Variants in NUMB observed in about 807,000 individuals in gnomAD.
The protein encoded by NUMB is protein numb homolog.
Under a neutral mutation model 59.7 loss-of-function variants are expected in NUMB, and 29 were observed. The observed-to-expected ratio is 0.49, with a 90% CI of 0.36 to 0.66. The LOEUF is 0.66. Ranked by LOEUF, NUMB falls within the 30% of genes least tolerant of loss-of-function variation. NUMB has a pLI of 0.00. For missense variants in NUMB, 723 were observed against 822.0 expected (o/e 0.88, Z 1.47); for synonymous variants, 288 against 288.2 (o/e 1.00, Z 0.01).
Position 73,282,434 on chromosome 14 carries a change from G to C in NUMB, c.1021C>G (p.Pro341Ala). Residue 341 changes from proline (P) to alanine (A), a missense_variant, in exon 11 of 13, where the codon CCT (proline) becomes GCT (alanine). This residue lies in a region of NUMB where 317 missense variants were observed against 436.6 expected (regional missense o/e 0.73). Coordinates refer to ENST00000555238, the MANE Select transcript of NUMB (RefSeq NM_001005743.2). ...GGAGCAGATGAGAAGGGGTCCTCAG[G>C]TGTGCTGAAGGCATTGGTGATCTGT... The part of the protein sequence containing the change: ...CSQITNAFST[P>A]EDPFSSAPMT... 2 of 1,614,160 alleles carry C rather than the reference G, an allele frequency of 1.2e-6. No individual in the cohort carries two copies. The highest frequency in any genetic ancestry group is 1.7e-6 in the Non-Finnish European group (2 of 1,180,022).
intron 1 of NUMB, among the ~76,000 whole-genome samples, chr14:73,430,602 C>G (rs1278513143): frequency 6.6e-6 from 1 of 151,916 alleles, no homozygotes; most frequent in Non-Finnish European, 1.5e-5. Context: ...CCACTGCACT[C>G]TAGTCTGGGT....
intron 1 of NUMB, among the ~76,000 whole-genome samples, chr14:73,448,829 TAC>T (rs1047790930): frequency 2.6e-4 from 39 of 152,246 alleles, no homozygotes; most frequent in Non-Finnish European, 3.4e-4. Context: ...GAGGACCAGG[TAC>T]AGTCACATCT....
rs573698129 is a variant in NUMB, at chr14:73,369,867, T to C, written c.-100-2886A>G. On this transcript the variant is annotated intron_variant, in intron 2 of 12. Coordinates refer to ENST00000555238, the MANE Select transcript of NUMB (RefSeq NM_001005743.2). Reference sequence around the variant, plus strand: ...GTAGCATCCTAGAAGCTCCTCTATGTTCCTGCTTCCAGTCACTTCCTGTTC... The same window carrying C: ...GTAGCATCCTAGAAGCTCCTCTATGCTCCTGCTTCCAGTCACTTCCTGTTC... 2.6e-5 allele frequency among the ~76,000 whole-genome samples: 4 copies of C among 152,326 alleles called. No homozygotes were observed. The South Asian group carries it at 8.3e-4, about 32-fold the overall frequency.
intron 2 of NUMB, among the ~76,000 whole-genome samples, chr14:73,385,560 G>T (rs1193951640): frequency 7.2e-6 from 1 of 138,958 alleles, no homozygotes; most frequent in African/African-American, 2.7e-5. Context: ...GGAGTGCAGT[G>T]GCATGATCTC....
At position 73,316,438 on chromosome 14, in the gene NUMB, G is replaced by A. The variant is rs775491884; in HGVS notation, c.202-16C>T. 5.0e-6 allele frequency: 8 copies of A among 1,612,722 alleles called. No individual in the cohort carries two copies. Among genetic ancestry groups the A allele is most frequent in the Non-Finnish European group, 6.8e-6 (8 of 1,179,154 alleles). ...ACTTCCTTTCCTGGAGGAACAGGGG[G>A]ACAAGTCGAGTGCTATTATTGTATG... is the stretch of plus-strand genomic sequence containing the variant. On this transcript the variant is annotated splice_polypyrimidine_tract_variant and intron_variant, in intron 5 of 12. Coordinates refer to ENST00000555238, the MANE Select transcript of NUMB (RefSeq NM_001005743.2).
intron 5 of NUMB, among the ~76,000 whole-genome samples, chr14:73,322,271 T>A (rs754156207): frequency 6.6e-6 from 1 of 152,206 alleles, no homozygotes; most frequent in Non-Finnish European, 1.5e-5. Context: ...CTCAAACCTA[T>A]GGAAAATCTG....
chr14:73,444,307 G>A (rs1276789456), intron 1 of NUMB, among the ~76,000 whole-genome samples: 2 of 150,588 alleles, frequency 1.3e-5, no homozygotes, highest in Non-Finnish European at 3.0e-5. Context: ...GCTGAGGCAG[G>A]AGAATTGCTT....
At chr14:73,334,962 A>AC (rs1892217520) in intron 4 of NUMB, among the ~76,000 whole-genome samples, 1 of 151,642 alleles carries the variant, frequency 6.6e-6, no homozygotes, top group Non-Finnish European at 1.5e-5. Context: ...AAAAAAAAAA[A>AC]AAAAGGTATT....
intron 4 of NUMB, among the ~76,000 whole-genome samples, chr14:73,346,186 A>T (rs1175894479): frequency 6.6e-6 from 1 of 152,110 alleles, no homozygotes; most frequent in African/African-American, 2.4e-5. Flanking sequence ...CATTAAAAAA[A>T]TTATCTCTGT....
intron 1 of NUMB, among the ~76,000 whole-genome samples, chr14:73,446,127 G>A (rs904768136): frequency 6.7e-6 from 1 of 149,330 alleles, no homozygotes; most frequent in Admixed American, 6.6e-5. Context: ...CTCCCGAGTA[G>A]CTGGGACTAT....
intron 2 of NUMB, among the ~76,000 whole-genome samples, chr14:73,378,440 G>A (rs1895076381): frequency 6.6e-6 from 1 of 152,190 alleles, no homozygotes; most frequent in Non-Finnish European, 1.5e-5. Context: ...CCACACAAAA[G>A]CCTGCACACA....
chr14:73,336,684 G>T (rs1230487124), intron 4 of NUMB, among the ~76,000 whole-genome samples: 2 of 152,070 alleles, frequency 1.3e-5, no homozygotes. Flanking sequence ...CTATAATCCA[G>T]CCTCAATTCT....
intron 9 of NUMB, among the ~76,000 whole-genome samples, chr14:73,286,001 G>A (rs990372447): frequency 6.6e-6 from 1 of 150,444 alleles, no homozygotes; most frequent in African/African-American, 2.4e-5. Flanking sequence ...AAAGGTTATA[G>A]TAAAAAAAAT....
At chr14:73,379,973 T>C (rs946907311) in intron 2 of NUMB, among the ~76,000 whole-genome samples, 13 of 152,230 alleles carry the variant, frequency 8.5e-5, no homozygotes, top group Admixed American at 2.6e-4. Context: ...ACCTTGGTTA[T>C]TGTATTATAA....
rs554930006 is a variant in NUMB, at chr14:73,453,944, A to G, written c.-233+4549T>C. Among the ~76,000 whole-genome samples, 5 of 152,264 alleles carry G rather than the reference A, an allele frequency of 3.3e-5. No individual in the cohort carries two copies. The East Asian group carries it at 7.7e-4, about 24-fold the overall frequency. On this transcript the variant is annotated intron_variant, in intron 1 of 12. Transcript: ENST00000555238. ...TTTCTTTGCCACTAAAGGATGCACT[A>G]TAATGTCAAGATTAAAAAAATAAGA...
chr14:73,305,019 A>G (rs900710330), intron 6 of NUMB, among the ~76,000 whole-genome samples: 1 of 152,192 alleles, frequency 6.6e-6, no homozygotes, highest in Non-Finnish European at 1.5e-5. Context: ...CGCCCACCTC[A>G]GCCTCCCAAA....
chr14:73,370,658 C>T (rs950782418), intron 2 of NUMB, among the ~76,000 whole-genome samples: 1 of 151,836 alleles, frequency 6.6e-6, no homozygotes, highest in African/African-American at 2.4e-5. Flanking sequence ...TGCCACTGCA[C>T]TCCGGCCTGG....
chr14:73,386,856 TCAGG>T (rs1566773784), intron 2 of NUMB, among the ~76,000 whole-genome samples: 1 of 143,794 alleles, frequency 7.0e-6, no homozygotes, highest in South Asian at 2.2e-4. Flanking sequence ...AGACAATCTA[TCAGG>T]TGTCTTATTT....
chr14:73,279,282 C>G lies in NUMB; in HGVS notation c.1239G>C (p.Ser413=), dbSNP rs201268301. 4.0e-5 allele frequency: 65 copies of G among 1,614,002 alleles called. No individual in the cohort carries two copies. The highest frequency in any genetic ancestry group is 1.1e-4 in the East Asian group (5 of 44,900). ...CAACACCATCTGTGGCCACCTTACC[C>G]GAACATGTGGCTGCAATTTCCTTGT... ...AANKEIAATC[S]GTEWGQSSGA... Residue 413 remains serine (S), a splice_region_variant and synonymous_variant, in exon 12 of 13, where the codon TCG becomes TCC. Coordinates refer to ENST00000555238, the MANE Select transcript of NUMB (RefSeq NM_001005743.2).
Sources: gnomAD v4.1 joint callset for allele counts (sites outside exome capture counted in the v4.1 genomes callset) on GRCh38, gnomAD v4.1.1 for gene constraint, gnomAD v4.1.1 regional missense constraint, MANE v1.5 for transcripts, NCBI Gene and HGNC (gene_info 2026-07-23, HGNC 2026-07-21) for gene names.